Variants in RAB37 observed in about 807,000 individuals in gnomAD.
RAB37 encodes ras-related protein Rab-37.
RAB37 carries 29 observed loss-of-function variants against 33.1 expected under a neutral mutation model. The ratio of observed to expected loss-of-function variants is 0.88; its 90% CI spans 0.65 to 1.20. The LOEUF (loss-of-function observed/expected upper bound fraction) is 1.20. Among genes scored for constraint, RAB37 ranks in the 50% most tolerant of loss-of-function variants. The probability of loss-of-function intolerance (pLI) is 0.00; values close to 1 mark genes in which losing one functional copy is unlikely to be tolerated. For synonymous variants in RAB37, 128 were observed against 119.5 expected (o/e 1.07, Z -0.47); for missense variants, 299 against 301.1 (o/e 0.99, Z 0.05).
intron 1 of RAB37, among the ~76,000 whole-genome samples, chr17:74,706,491 AACGCCATCTCT>A (rs1312935352): frequency 6.6e-6 from 1 of 152,012 alleles, no homozygotes; most frequent in East Asian, 1.9e-4. Context: ...AACATGGAGA[AACGCCATCTCT>A]ACTAAACATA....
chr17:74,703,831 C>T (rs944086861), intron 1 of RAB37, among the ~76,000 whole-genome samples: 4 of 152,178 alleles, frequency 2.6e-5, no homozygotes, highest in African/African-American at 7.2e-5. Context: ...CCATGCAAAC[C>T]GAGGCACTGG....
At chr17:74,695,271 C>T in intron 1 of RAB37, 1 of 1,613,294 alleles carries the variant, frequency 6.2e-7, no homozygotes, top group Non-Finnish European at 8.5e-7. Context: ...AGGCGGGCTC[C>T]AGGTCAGAGA....
chr17:74,702,989 A>T (rs1370093541), intron 1 of RAB37: 1 of 1,454,184 alleles, frequency 6.9e-7, no homozygotes, highest in Admixed American at 1.7e-5. Flanking sequence ...TCTCCATTGG[A>T]GGAGTTTGGG....
chr17:74,702,399 G>C (rs540449163), intron 1 of RAB37, among the ~76,000 whole-genome samples: 53 of 152,262 alleles, frequency 3.5e-4, no homozygotes, highest in South Asian at 1.9e-3. Flanking sequence ...CTGTAAAATG[G>C]GAACATTTGT....
intron 1 of RAB37, chr17:74,704,494 T>C: frequency 6.2e-7 from 1 of 1,612,710 alleles, no homozygotes; most frequent in Non-Finnish European, 8.5e-7. Context: ...CAATGGTCAC[T>C]TGAACTGTGA....
intron 1 of RAB37, among the ~76,000 whole-genome samples, chr17:74,728,911 C>G (rs571609171): frequency 2.1e-5 from 3 of 143,044 alleles, no homozygotes; most frequent in Non-Finnish European, 1.5e-5. Flanking sequence ...TGTGTCTGTA[C>G]GTGTCTTGTG....
intron 1 of RAB37, among the ~76,000 whole-genome samples, chr17:74,725,423 G>A: frequency 6.6e-6 from 1 of 152,108 alleles, no homozygotes; most frequent in Non-Finnish European, 1.5e-5. Context: ...AGCAACCTTG[G>A]GGAAAAGTGC....
chr17:74,719,463 A>G lies in RAB37; in HGVS notation c.73-9793A>G, dbSNP rs537040520. 7.9e-5 allele frequency among the ~76,000 whole-genome samples: 12 copies of G among 152,316 alleles called. No individual in the cohort carries two copies. In the South Asian group the frequency reaches 1.4e-3, roughly 18 times the overall value. On this transcript the variant is annotated intron_variant, in intron 1 of 7. Coordinates refer to the RAB37 transcript ENST00000340415. ...GCAAGAACTCATCTCAAAAAAATAA[A>G]TAAATAAAATAAAATAATTTGCTCA...
chr17:74,736,570 G>A (rs1307812086), upstream of RAB37: 3 of 1,504,254 alleles, frequency 2.0e-6, no homozygotes, highest in African/African-American at 4.2e-5. Flanking sequence ...GGTCCACTGG[G>A]AGATGTGTGC....
At chr17:74,740,702 C>A in intron 1 of RAB37, 66 bp from the exon 2 acceptor site, 2 of 1,105,112 alleles carry the variant, frequency 1.8e-6, no homozygotes, top group Non-Finnish European at 2.8e-6. Flanking sequence ...CTCCATGTGT[C>A]TCTCTCCTGG....
At chr17:74,699,391 A>G (rs1427203838) in intron 1 of RAB37, among the ~76,000 whole-genome samples, 1 of 152,136 alleles carries the variant, frequency 6.6e-6, no homozygotes, top group Non-Finnish European at 1.5e-5. Context: ...ACATCCACTC[A>G]GACCCGTGAA....
intron 1 of RAB37, among the ~76,000 whole-genome samples, chr17:74,715,786 G>C (rs752700959): frequency 6.6e-6 from 1 of 152,244 alleles, no homozygotes; most frequent in South Asian, 2.1e-4. Flanking sequence ...TCAACTCTTT[G>C]GGAGGCTGAG....
intron 2 of RAB37, 127 bp downstream of exon 2, chr17:74,741,005 C>A: frequency 1.4e-6 from 1 of 712,828 alleles, no homozygotes; most frequent in South Asian, 1.6e-5. Context: ...GGAGGGCACA[C>A]AACCCGCTCC....
chr17:74,733,787 T>C (rs62084910), upstream of RAB37, among the ~76,000 whole-genome samples: 140,748 of 151,990 alleles, frequency 0.93, 65,304 homozygotes, highest in Non-Finnish European at 0.96. Flanking sequence ...TCTTAGACCC[T>C]AACCCACTTC....
At chr17:74,737,397 C>G in intron 1 of RAB37, 32 bp downstream of exon 1, 1 of 1,529,154 alleles carries the variant, frequency 6.5e-7, no homozygotes, top group Non-Finnish European at 8.8e-7. Context: ...GACCCCCGCC[C>G]TCCTCGGCGC....
intron 1 of RAB37, among the ~76,000 whole-genome samples, chr17:74,721,729 C>G (rs898844584): frequency 6.6e-6 from 1 of 152,024 alleles, no homozygotes; most frequent in African/African-American, 2.4e-5. Context: ...ACGCCTGGTC[C>G]TCTTGGTTTA....
rs2031834803 is a variant in RAB37 at position 74,676,417 on chromosome 17, G to A, written c.72+4759G>A. Reference sequence around the variant, plus strand: ...TTCTTGGGTGAAAAGGGATTACCAGGTCTCTGTCTTCCAAAGTATGTCCAT... The same window carrying A: ...TTCTTGGGTGAAAAGGGATTACCAGATCTCTGTCTTCCAAAGTATGTCCAT... On this transcript the variant is annotated intron_variant, in intron 1 of 7. Coordinates refer to the RAB37 transcript ENST00000340415. This position sits in a 1 kb window ranked among gnomAD's most constrained non-coding sequence, Gnocchi z 4.1. Among the ~76,000 whole-genome samples, 1 of 152,088 alleles carries A rather than the reference G, an allele frequency of 6.6e-6. No homozygotes were observed. Among genetic ancestry groups the A allele is most frequent in the Admixed American group, 6.6e-5 (1 of 15,262 alleles).
intron 1 of RAB37, among the ~76,000 whole-genome samples, chr17:74,708,074 G>A (rs1197022259): frequency 6.6e-6 from 1 of 150,784 alleles, no homozygotes; most frequent in Non-Finnish European, 1.5e-5. Flanking sequence ...CTTGAACCCA[G>A]GAGGTGGAAG....
intron 1 of RAB37, among the ~76,000 whole-genome samples, chr17:74,723,093 G>A (rs143198644): frequency 1.4e-3 from 217 of 152,290 alleles, no homozygotes; most frequent in African/African-American, 4.7e-3. Context: ...AAAGCTTTGC[G>A]TCTTCCGCAA....
Sources: gnomAD v4.1 joint callset for allele counts (sites outside exome capture counted in the v4.1 genomes callset) on GRCh38, gnomAD v4.1.1 for gene constraint, Gnocchi (gnomAD v3.1) non-coding constraint, MANE v1.5 for transcripts, NCBI Gene and HGNC (gene_info 2026-07-23, HGNC 2026-07-21) for gene names.